PIK3R1: variants seen among roughly 807,000 people sequenced by gnomAD.
PIK3R1 encodes the protein phosphoinositide-3-kinase regulatory subunit 1.
Under a neutral mutation model 98.0 loss-of-function variants are expected in PIK3R1, and 29 were observed. The observed-to-expected ratio is 0.30, with a 90% CI of 0.22 to 0.40. The LOEUF (loss-of-function observed/expected upper bound fraction) is 0.40. Ranked by LOEUF, PIK3R1 falls within the 10% of genes least tolerant of loss-of-function variation. The probability of loss-of-function intolerance (pLI) is 1.00; values close to 1 mark genes in which losing one functional copy is unlikely to be tolerated. For missense variants in PIK3R1, 596 were observed against 872.7 expected (o/e 0.68, Z 3.99); for synonymous variants, 282 against 311.8 (o/e 0.90, Z 1.01).
At chr5:68,239,477 A>G (rs1744792478) in intron 2 of PIK3R1, among the ~76,000 whole-genome samples, 1 of 152,118 alleles carries the variant, frequency 6.6e-6, no homozygotes, top group African/African-American at 2.4e-5. Context: ...TTTTTCAGGT[A>G]CTGCACTAAC....
At chr5:68,238,756 C>T (rs1017806473) in intron 2 of PIK3R1, among the ~76,000 whole-genome samples, 1 of 151,976 alleles carries the variant, frequency 6.6e-6, no homozygotes, top group Non-Finnish European at 1.5e-5. Context: ...TGTTGATAAA[C>T]AGGGAACCAA....
intron 2 of PIK3R1, among the ~76,000 whole-genome samples, chr5:68,258,337 T>C (rs1745609798): frequency 6.6e-6 from 1 of 152,066 alleles, no homozygotes; most frequent in African/African-American, 2.4e-5. Flanking sequence ...AAAGGATGTA[T>C]TAGAGACTTT....
At chr5:68,225,721 T>C (rs1465094023) in intron 1 of PIK3R1, among the ~76,000 whole-genome samples, 1 of 152,196 alleles carries the variant, frequency 6.6e-6, no homozygotes, top group African/African-American at 2.4e-5. Context: ...GCCCTTTCCG[T>C]GTTCCACACT....
At chr5:68,287,770 C>T (rs116577594) in intron 7 of PIK3R1, among the ~76,000 whole-genome samples, 64 of 152,298 alleles carry the variant, frequency 4.2e-4, no homozygotes, top group Non-Finnish European at 7.2e-4. Flanking sequence ...CATTTAAATG[C>T]GAGTTGCAAT....
chr5:68,283,592 T>C (rs538480383), intron 7 of PIK3R1, among the ~76,000 whole-genome samples: 12 of 152,210 alleles, frequency 7.9e-5, no homozygotes, highest in Non-Finnish European at 1.2e-4. Flanking sequence ...AATTACACAG[T>C]ACAAAATAAT....
At chr5:68,267,185 A>G (rs1019441927) in intron 2 of PIK3R1, among the ~76,000 whole-genome samples, 2 of 152,224 alleles carry the variant, frequency 1.3e-5, no homozygotes, top group African/African-American at 4.8e-5. Flanking sequence ...TCAAACTCCA[A>G]TTTAGGTGAT....
At chr5:68,282,876 G>A (rs769550854) in intron 7 of PIK3R1, among the ~76,000 whole-genome samples, 2 of 152,172 alleles carry the variant, frequency 1.3e-5, no homozygotes, top group Non-Finnish European at 2.9e-5. Flanking sequence ...AGTTTGAGCC[G>A]TTTTCCCAGG....
In PIK3R1 at chr5:68,297,568, A is replaced by G. The variant is rs760671628; in HGVS notation, c.2142A>G (p.Leu714=). Residue 714 remains leucine, a synonymous_variant, in exon 16 of 16, where the codon CTA becomes CTG. Coordinates refer to ENST00000521381, the MANE Select transcript of PIK3R1 (RefSeq NM_181523.3). ...ACAACGACTCCCTCAATGTCACACT[A>G]GCCTACCCAGTATATGCACAGCAGA... The part of the protein sequence containing the change: ...VQHNDSLNVT[L]AYPVYAQQRR 7 of 1,614,152 alleles carry G rather than the reference A, an allele frequency of 4.3e-6. No individual in the cohort carries two copies. The highest frequency in any genetic ancestry group is 1.6e-4 in the Middle Eastern group (1 of 6,062).
At chr5:68,263,897 C>A (rs984694760) in intron 2 of PIK3R1, among the ~76,000 whole-genome samples, 3 of 152,078 alleles carry the variant, frequency 2.0e-5, no homozygotes, top group Non-Finnish European at 2.9e-5. Context: ...GCTTCAACTC[C>A]CTTCATATAT....
chr5:68,300,007 G>C lies in PIK3R1; in HGVS notation c.*2406G>C, dbSNP rs770155925. The C allele has an allele frequency of 1.3e-5, 3 of 232,856 alleles. No individual in the cohort carries two copies. Among genetic ancestry groups the C allele is most frequent in the Non-Finnish European group, 2.5e-5 (3 of 117,966 alleles). The allele number at this position is 232,856 out of a possible 1,614,324, so 14.4% of individuals were successfully genotyped here. A position where few individuals can be genotyped will look rare whatever the true frequency, so the allele number is the denominator to read the frequency against. On this transcript the variant is annotated 3_prime_UTR_variant, in exon 16 of 16. Coordinates refer to ENST00000521381, the MANE Select transcript of PIK3R1 (RefSeq NM_181523.3). ...TAACAGTTTTTAAACTAGGTTTGTG[G>C]GTATTTTTTTGGTAGCACATGTATG... is the stretch of plus-strand genomic sequence containing the variant.
At chr5:68,247,027 A>G (rs1001580489) in intron 2 of PIK3R1, among the ~76,000 whole-genome samples, 1 of 152,204 alleles carries the variant, frequency 6.6e-6, no homozygotes, top group African/African-American at 2.4e-5. Context: ...GAAGAACTAA[A>G]ACTAAAAGGT....
chr5:68,271,824 A>G (rs948369913), intron 2 of PIK3R1, among the ~76,000 whole-genome samples: 7 of 152,242 alleles, frequency 4.6e-5, no homozygotes, highest in Non-Finnish European at 8.8e-5. Flanking sequence ...TGCACATTGC[A>G]TACTGAAATC....
intron 2 of PIK3R1, among the ~76,000 whole-genome samples, chr5:68,240,703 A>G (rs1168120882): frequency 6.6e-6 from 1 of 152,212 alleles, no homozygotes; most frequent in Non-Finnish European, 1.5e-5. Context: ...ATGCCAATCT[A>G]GTTGTTACAT....
chr5:68,292,792 T>TA, intron 8 of PIK3R1: 1 of 1,247,580 alleles, frequency 8.0e-7, no homozygotes, highest in South Asian at 1.9e-5. Flanking sequence ...ATTGTAATGT[T>TA]TGGTTGAAAA....
chr5:68,223,347 A>G (rs978895394), intron 1 of PIK3R1, among the ~76,000 whole-genome samples: 4 of 149,612 alleles, frequency 2.7e-5, no homozygotes, highest in Admixed American at 2.0e-4. Flanking sequence ...TCCAGTCCCC[A>G]CCCCAATGAC....
intron 4 of PIK3R1, among the ~76,000 whole-genome samples, chr5:68,275,334 C>T (rs563166218): frequency 1.1e-4 from 16 of 152,094 alleles, no homozygotes; most frequent in African/African-American, 3.6e-4. Context: ...TTTAAGGAAA[C>T]GCTGAATTTT....
intron 2 of PIK3R1, among the ~76,000 whole-genome samples, chr5:68,239,105 C>G (rs1007388152): frequency 2.6e-5 from 4 of 152,116 alleles, no homozygotes; most frequent in African/African-American, 9.7e-5. Context: ...CGTTGATAAG[C>G]AGGAGCTCAG....
intron 4 of PIK3R1, among the ~76,000 whole-genome samples, chr5:68,279,352 G>C (rs1356424068): frequency 1.3e-5 from 2 of 152,136 alleles, no homozygotes; most frequent in Non-Finnish European, 2.9e-5. Flanking sequence ...TGGGCAGGGG[G>C]TCAGGCATCC....
chr5:68,301,432 A>ATATATGTG lies in PIK3R1; in HGVS notation c.*3832_*3833insATATGTGT, dbSNP rs1463705488. ...TATATATATATATATATATATATAT[A>ATATATGTG]TGTGTGTGTATATATATATATATGT... On this transcript the variant is annotated 3_prime_UTR_variant, in exon 16 of 16. Coordinates refer to ENST00000521381, the MANE Select transcript of PIK3R1 (RefSeq NM_181523.3). The ATATATGTG allele has an allele frequency of 1.4e-5, 1 of 73,518 alleles. No homozygotes were observed. The highest frequency in any genetic ancestry group is 2.4e-5 in the Non-Finnish European group (1 of 40,874). 4.6% of individuals were successfully genotyped at this position (73,518 alleles called of 1,614,324 possible). A position where few individuals can be genotyped will look rare whatever the true frequency, so the allele number is the denominator to read the frequency against.
Sources: gnomAD v4.1 joint callset for allele counts (sites outside exome capture counted in the v4.1 genomes callset) on GRCh38, gnomAD v4.1.1 for gene constraint, MANE v1.5 for transcripts, NCBI Gene and HGNC (gene_info 2026-07-23, HGNC 2026-07-21) for gene names.